Variants in KAZN observed in about 807,000 individuals in gnomAD.
The protein encoded by KAZN is kazrin.
A neutral mutation model predicts 87.4 loss-of-function variants in KAZN; 40 were observed. The observed-to-expected ratio is 0.46, with a 90% CI of 0.36 to 0.60. The LOEUF is 0.60. Ranked by LOEUF, KAZN falls within the 20% of genes least tolerant of loss-of-function variation. The pLI, the probability that KAZN is intolerant of heterozygous loss-of-function variation, is 0.00. For synonymous variants in KAZN, 466 were observed against 458.3 expected, an observed-to-expected ratio of 1.02 and a Z score of -0.22; for missense variants, 898 against 1,073.9, an observed-to-expected ratio of 0.84 and a Z score of 2.29.
chr1:14,503,679 AC>A (rs1232903885), intron 2 of KAZN, among the ~76,000 whole-genome samples: 1 of 151,500 alleles, frequency 6.6e-6, no homozygotes, highest in Non-Finnish European at 1.5e-5. Flanking sequence ...CCCATGTCCA[AC>A]CCTCCTAACC....
At chr1:14,976,133 G>A (rs1286338954) in intron 2 of KAZN, among the ~76,000 whole-genome samples, 5 of 142,446 alleles carry the variant, frequency 3.5e-5, no homozygotes, top group Non-Finnish European at 7.7e-5. Flanking sequence ...GCCTGTTGCT[G>A]TTGGTTTTGG....
intron 1 of KAZN, among the ~76,000 whole-genome samples, chr1:14,751,543 T>C (rs2100492915): frequency 6.6e-6 from 1 of 152,348 alleles, no homozygotes; most frequent in South Asian, 2.1e-4. Context: ...CAGAGAATAC[T>C]AAGACACAGT....
At chr1:14,521,542 G>C (rs561929175) in intron 2 of KAZN, among the ~76,000 whole-genome samples, 1 of 152,290 alleles carries the variant, frequency 6.6e-6, no homozygotes, top group East Asian at 1.9e-4. Context: ...TTGAAGCTCT[G>C]GCCTATCTTT....
At chr1:14,306,105 T>A (rs1052960713) in intron 2 of KAZN, among the ~76,000 whole-genome samples, 1 of 152,148 alleles carries the variant, frequency 6.6e-6, no homozygotes, top group African/African-American at 2.4e-5. Flanking sequence ...TGGCCCTGGG[T>A]GAGATGAAGG....
intron 1 of KAZN, among the ~76,000 whole-genome samples, chr1:14,112,638 G>A (rs951873179): frequency 6.6e-6 from 1 of 152,170 alleles, no homozygotes; most frequent in African/African-American, 2.4e-5. Context: ...CATGGAAAAA[G>A]GGAGATGGAT....
At chr1:15,104,511 G>C (rs1210246421) in intron 13 of KAZN, among the ~76,000 whole-genome samples, 1 of 152,222 alleles carries the variant, frequency 6.6e-6, no homozygotes, top group African/African-American at 2.4e-5. Flanking sequence ...CGTGCAGGTG[G>C]AGTGTAGCTG....
At chr1:15,053,909 A>G (rs1183921564) in intron 4 of KAZN, among the ~76,000 whole-genome samples, 1 of 152,152 alleles carries the variant, frequency 6.6e-6, no homozygotes, top group East Asian at 1.9e-4. Flanking sequence ...TGGCAGTGGG[A>G]GGGAAGTGAT....
chr1:14,539,106 C>T (rs1244409049), intron 2 of KAZN, among the ~76,000 whole-genome samples: 2 of 152,166 alleles, frequency 1.3e-5, no homozygotes, highest in East Asian at 3.8e-4. Flanking sequence ...TCCTCTATTT[C>T]CCCCAAAATG....
intron 1 of KAZN, among the ~76,000 whole-genome samples, chr1:14,716,326 C>T (rs987888264): frequency 6.6e-6 from 1 of 152,134 alleles, no homozygotes; most frequent in African/African-American, 2.4e-5. Flanking sequence ...GGCAATGCAG[C>T]GTTCTCTCCA....
At chr1:14,039,094 C>A (rs922996171) in intron 1 of KAZN, among the ~76,000 whole-genome samples, 3 of 151,114 alleles carry the variant, frequency 2.0e-5, no homozygotes, top group Non-Finnish European at 2.9e-5. Flanking sequence ...TCACTTGAAC[C>A]AGGGAGTAGG....
intron 1 of KAZN, among the ~76,000 whole-genome samples, chr1:14,792,586 G>A (rs1167280380): frequency 2.0e-5 from 3 of 152,042 alleles, no homozygotes; most frequent in Admixed American, 1.3e-4. Flanking sequence ...GGAAACAATC[G>A]GTGCAGGAAA....
chr1:14,251,099 C>G lies in KAZN; in HGVS notation c.249+70507C>G, dbSNP rs112246782. Among the ~76,000 whole-genome samples, 517 of 152,294 alleles carry G rather than the reference C, an allele frequency of 3.4e-3. 6 individuals are homozygous for G. The highest frequency in any genetic ancestry group is 4.1e-3 in the Admixed American group (62 of 15,298). ...AACCCTGGAACTGAAACTATGTAATCTATGCTTGTGTGATTCCTCAGCCTA... is the reference window on the plus strand; with the variant it reads ...AACCCTGGAACTGAAACTATGTAATGTATGCTTGTGTGATTCCTCAGCCTA... On this transcript the variant is annotated intron_variant, in intron 2 of 16. Transcript: ENST00000636203.
intron 2 of KAZN, among the ~76,000 whole-genome samples, chr1:14,446,853 A>T (rs1667010185): frequency 6.6e-6 from 1 of 151,942 alleles, no homozygotes; most frequent in Non-Finnish European, 1.5e-5. Flanking sequence ...CCCCATATTT[A>T]TTTCAGCTGG....
chr1:15,050,064 GGTAGA>G (rs1192474684), intron 4 of KAZN, among the ~76,000 whole-genome samples: 2 of 79,530 alleles, frequency 2.5e-5, no homozygotes, highest in Non-Finnish European at 2.2e-5. Flanking sequence ...GGTAGGGTAG[GGTAGA>G]GTAGAGTAGA....
chr1:14,201,197 A>G (rs976092917), intron 2 of KAZN, among the ~76,000 whole-genome samples: 1 of 152,094 alleles, frequency 6.6e-6, no homozygotes, highest in African/African-American at 2.4e-5. Flanking sequence ...GCCATTTTTA[A>G]TGTTCATTAT....
intron 1 of KAZN, among the ~76,000 whole-genome samples, chr1:14,706,887 G>A (rs996139320): frequency 1.3e-5 from 2 of 152,006 alleles, no homozygotes; most frequent in African/African-American, 2.4e-5. Flanking sequence ...CCACCTCCCC[G>A]CCACCCCACC....
chr1:14,382,691 G>T (rs1661479933), intron 2 of KAZN, among the ~76,000 whole-genome samples: 1 of 146,872 alleles, frequency 6.8e-6, no homozygotes, highest in Admixed American at 6.8e-5. Flanking sequence ...GTGTATATGT[G>T]CCACATTTTC....
chr1:14,461,793 A>G (rs1490026672), intron 2 of KAZN, among the ~76,000 whole-genome samples: 2 of 151,988 alleles, frequency 1.3e-5, no homozygotes, highest in African/African-American at 4.8e-5. Flanking sequence ...AATTGTGTAT[A>G]CCCTGCATGT....
intron 1 of KAZN, among the ~76,000 whole-genome samples, chr1:14,699,429 T>C (rs1641796720): frequency 1.3e-5 from 2 of 152,254 alleles, no homozygotes. Flanking sequence ...TTGAGCATTA[T>C]GCCCGGCCTT....
Sources: gnomAD v4.1 joint callset for allele counts (sites outside exome capture counted in the v4.1 genomes callset) on GRCh38, gnomAD v4.1.1 for gene constraint, MANE v1.5 for transcripts, NCBI Gene and HGNC (gene_info 2026-07-23, HGNC 2026-07-21) for gene names.